Variants in SCART1 observed in about 807,000 individuals in gnomAD.
SCART1 encodes the protein scavenger receptor family member expressed on T cells 1.
In SCART1, 62 loss-of-function variants were observed where a neutral mutation model predicts 36.2. The ratio of observed to expected loss-of-function variants is 1.71; its 90% CI spans 1.40 to 2.12. The LOEUF is 2.12. Ranked by LOEUF, SCART1 falls within the 30% of genes most tolerant of loss-of-function variation. The pLI, the probability that SCART1 is intolerant of heterozygous loss-of-function variation, is 0.00. For synonymous variants in SCART1, 487 were observed against 238.7 expected (o/e 2.04, Z -9.59); for missense variants, 1,041 against 540.5 (o/e 1.93, Z -9.18).
chr10:133,464,866 C>G, exon 7 of SCART1: 1 of 702,950 alleles, frequency 1.4e-6, no homozygotes, highest in Non-Finnish European at 2.6e-6. Flanking sequence ...TGTGGCAATG[C>G]CCTTCCCACC....
rs117139762 is a variant in SCART1 at position 133,459,581 on chromosome 10, C to T, written c.1380C>T (p.Asp460=). Residue 460 remains aspartate (D), a synonymous_variant, in exon 6 of 12, where the codon GAC becomes GAT. Transcript: ENST00000640237. ...ATGGCGTGTGGGGCCGCGTCCTGGA[C>T]GATGCCTGGGACCTGCGCGGCGCGG... is the stretch of plus-strand genomic sequence containing the variant. 9.6e-3 allele frequency: 6,494 copies of T among 676,858 alleles called. 77 individuals carry two copies. Among genetic ancestry groups the T allele is most frequent in the Middle Eastern group, 0.04 (165 of 4,160 alleles). The allele number at this position is 676,858 out of a possible 1,614,324, so 41.9% of individuals were successfully genotyped here. A position where few individuals can be genotyped will look rare whatever the true frequency, so the allele number is the denominator to read the frequency against.
At chr10:133,467,169 T>C in intron 10 of SCART1, 29 bp from the exon 11 acceptor site, 1 of 667,442 alleles carries the variant, frequency 1.5e-6, no homozygotes, top group East Asian at 2.8e-5. Context: ...ACTGAGGGCC[T>C]GTGTGTGACC....
chr10:133,457,363 A>G, exon 3 of SCART1: 1 of 701,314 alleles, frequency 1.4e-6, no homozygotes, highest in Non-Finnish European at 2.6e-6. Context: ...AATGGGGTGG[A>G]CCGCCTCTGT....
At chr10:133,458,333 C>A in intron 3 of SCART1, 27 bp from the exon 4 acceptor site, 2 of 702,552 alleles carry the variant, frequency 2.8e-6, no homozygotes, top group South Asian at 3.0e-5. Flanking sequence ...ACACCTGTCT[C>A]CTGCCTGAGA....
At chr10:133,469,600 G>C (rs1458511681), downstream of SCART1, among the ~76,000 whole-genome samples, 1 of 152,088 alleles carries the variant, frequency 6.6e-6, no homozygotes, top group African/African-American at 2.4e-5. Flanking sequence ...TCAGGGGGTG[G>C]GGGGCTAGGG....
chr10:133,465,239 C>A lies in SCART1; in HGVS notation c.2345-12C>A. 1.4e-6 allele frequency: 1 copy of A among 698,736 alleles called. No homozygotes were observed. Among genetic ancestry groups the A allele is most frequent in the South Asian group, 1.5e-5 (1 of 67,400 alleles). 43.3% of individuals were successfully genotyped at this position (698,736 alleles called of 1,614,324 possible). On this transcript the variant is annotated splice_polypyrimidine_tract_variant and intron_variant, in intron 8 of 11. Coordinates refer to ENST00000640237, the Ensembl canonical transcript of SCART1. ...GGTCCAGCCCCCGCAGTGACCGCAG[C>A]CCCTTTTGCAGAGGAGGGCGCACTG...
exon 4 of SCART1, chr10:133,458,389 G>A (rs747106364): frequency 3.1e-5 from 22 of 702,492 alleles, no homozygotes; most frequent in Middle Eastern, 4.6e-4. Flanking sequence ...GGTGGGCGGC[G>A]AGCACCCCTG....
intron 4 of SCART1, 171 bp from the exon 5 acceptor site, chr10:133,458,828 GCTGCAGCTAAGATCAAATTCTT>G: frequency 1.5e-6 from 1 of 657,594 alleles, no homozygotes. Context: ...GTACCCCAAG[GCTGCAGCTAAGATCAAATTCTT>G]CTGGAGAGCT....
At chr10:133,454,186 A>T in intron 1 of SCART1, 122 bp downstream of exon 1, 1 of 673,126 alleles carries the variant, frequency 1.5e-6, no homozygotes. Context: ...CACTCAGCCC[A>T]GAGTGGGTGG....
At position 133,466,173 on chromosome 10, in the gene SCART1, C is replaced by T. The variant is rs1243042074; in HGVS notation, c.2660-62C>T. On this transcript the variant is annotated intron_variant, in intron 9 of 11. Coordinates refer to ENST00000640237, the Ensembl canonical transcript of SCART1. The stretch of plus-strand genomic sequence containing the variant: ...GGCTGGGCCCTTGGAGCCACCCTGT[C>T]CTGCTGAGGGTGTGCAGGTCCCCCC... The T allele has an allele frequency of 5.9e-6, 4 of 679,642 alleles. No individual in the cohort carries two copies. The East Asian group carries it at 1.1e-4, about 18-fold the overall frequency. 42.1% of individuals were successfully genotyped at this position (679,642 alleles called of 1,614,324 possible).
chr10:133,460,526 TA>T (rs1850689624), intron 6 of SCART1, among the ~76,000 whole-genome samples: 1 of 196 alleles, frequency 5.1e-3, no homozygotes, highest in African/African-American at 0.012. Flanking sequence ...TTTATTTAAA[TA>T]TTTATTTATT....
Position 133,457,318 on chromosome 10 carries a change from GTCCCTGCGCGGGAC to G in SCART1, c.430_443del (p.Cys144ArgfsTer106), listed in dbSNP as rs576324681. 1,047 of 698,696 alleles carry G rather than the reference GTCCCTGCGCGGGAC, an allele frequency of 1.5e-3. 11 individuals are homozygous for G. The African/African-American group carries it at 0.017, about 11-fold the overall frequency. 43.3% of individuals were successfully genotyped at this position (698,696 alleles called of 1,614,324 possible). ...GAGCTCCGGCTGGTGAAGGGCCGCA[GTCCCTGCGCGGGAC>G]TCCCCGAGATCAGAAACGTGAATGG... On this transcript the variant is annotated frameshift_variant, in exon 3 of 12. Transcript: ENST00000640237. LOFTEE classifies it high-confidence loss of function.
chr10:133,464,413 C>T, intron 6 of SCART1, 193 bp from the exon 7 acceptor site: 1 of 518,818 alleles, frequency 1.9e-6, no homozygotes, highest in East Asian at 3.1e-5. Context: ...GATTTCATTT[C>T]CTCTGGGTCT....
intron 2 of SCART1, 28 bp downstream of exon 2, chr10:133,456,582 GGCTGA>G (rs1564833416): frequency 1.6e-6 from 1 of 631,838 alleles, no homozygotes; most frequent in Non-Finnish European, 2.9e-6. Flanking sequence ...AAGGGGACGG[GGCTGA>G]GGAGGAGGAG....
intron 3 of SCART1, 103 bp from the exon 4 acceptor site, chr10:133,458,257 C>T: frequency 1.4e-6 from 1 of 701,258 alleles, no homozygotes; most frequent in Non-Finnish European, 2.6e-6. Flanking sequence ...TGCCTAGATG[C>T]AGGTGATGGC....
exon 4 of SCART1, chr10:133,458,526 C>T (rs1037369387): frequency 3.1e-5 from 21 of 674,622 alleles, no homozygotes; most frequent in African/African-American, 7.2e-5. Context: ...GCGCCCGCTT[C>T]GGCCGGGGCT....
At chr10:133,461,241 C>T (rs561014555) in intron 6 of SCART1, among the ~76,000 whole-genome samples, 86 of 150,026 alleles carry the variant, frequency 5.7e-4, no homozygotes, top group African/African-American at 1.9e-3. Context: ...GCCTCCTGAG[C>T]GGGTCACGGG....
In SCART1 at chr10:133,467,234, T is replaced by C. The variant is rs1850773121; in HGVS notation, c.2843T>C (p.Ile948Thr). The C allele has an allele frequency of 5.7e-6, 4 of 702,576 alleles. No individual in the cohort carries two copies. The South Asian group carries it at 5.9e-5, about 10-fold the overall frequency. 43.5% of individuals were successfully genotyped at this position (702,576 alleles called of 1,614,324 possible). ...TCCGAGGTATCTCCTGGAGAAGCCATCTATGATGTCATTGGGGAAATGCCG... is the reference window on the plus strand; with the variant it reads ...TCCGAGGTATCTCCTGGAGAAGCCACCTATGATGTCATTGGGGAAATGCCG... The change falls in exon 11 of 12, where the codon ATC becomes ACC. Residue 948 changes from isoleucine to threonine, a missense_variant. By Grantham distance (89) the Ile-to-Thr change is moderately conservative. Coordinates refer to ENST00000640237, the Ensembl canonical transcript of SCART1.
intron 11 of SCART1, 96 bp from the exon 12 acceptor site, chr10:133,467,751 A>G (rs1850779090): frequency 3.6e-6 from 2 of 553,446 alleles, no homozygotes; most frequent in African/African-American, 1.9e-5. Context: ...TCTGGTTGAC[A>G]TGTTTATGCG....
Sources: gnomAD v4.1 joint callset for allele counts (sites outside exome capture counted in the v4.1 genomes callset) on GRCh38, gnomAD v4.1.1 for gene constraint, MANE v1.5 for transcripts, NCBI Gene and HGNC (gene_info 2026-07-23, HGNC 2026-07-21) for gene names.